The following BEST4 variants were observed in gnomAD, a reference collection of about 807,000 sequenced individuals.
The protein encoded by BEST4 is bestrophin 4, also known as bestrophin-4.
In BEST4, 36 loss-of-function variants were observed where a neutral mutation model predicts 47.1. The observed-to-expected ratio is 0.76, with a 90% CI of 0.59 to 1.01. The LOEUF (loss-of-function observed/expected upper bound fraction) is 1.01. Among genes scored for constraint, BEST4 ranks in the 50% least tolerant of loss-of-function variants. The pLI, the probability that BEST4 is intolerant of heterozygous loss-of-function variation, is 0.00. For missense variants in BEST4, 550 were observed against 648.6 expected, an observed-to-expected ratio of 0.85 and a Z score of 1.65; for synonymous variants, 250 against 277.8, an observed-to-expected ratio of 0.90 and a Z score of 1.00.
At chr1:44,785,558 A>G in intron 5 of BEST4, 41 bp downstream of exon 5, 1 of 1,496,298 alleles carries the variant, frequency 6.7e-7, no homozygotes, top group Non-Finnish European at 9.1e-7. Flanking sequence ...AGCACAGGAC[A>G]TACAGTAGGC....
Position 44,788,025 on chromosome 1 carries a change from C to T in BEST4, c.-320G>A, listed in dbSNP as rs546859739. Among the ~76,000 whole-genome samples, 133 of 152,316 alleles carry T rather than the reference C, an allele frequency of 8.7e-4. 1 individual carries two copies. Among genetic ancestry groups the T allele is most frequent in the East Asian group, 6.0e-3 (31 of 5,186 alleles). ...ATCCTGAACTGCTGCGGACAAGAGA[C>T]GCAGCTCCAGCCCAAATCCACTGCT... On this transcript the variant is annotated 5_prime_UTR_variant, in exon 1 of 9. Transcript: ENST00000372207.
At position 44,784,409 on chromosome 1, in the gene BEST4, T is replaced by C; in HGVS notation, c.1223A>G (p.Gln408Arg). ...PGSGRPAPAA[Q>R]TPLLGRFLGV... ...CAGGAAGCGGCCGAGCAACGGGGTC[T>C]GCGCGGCGGGCGCGGGCCGACCAGA... is the stretch of plus-strand genomic sequence containing the variant. The change falls in exon 9 of 9, where the codon CAG (glutamine) becomes CGG (arginine). Residue 408 changes from glutamine to arginine, a missense_variant. By Grantham distance (43) the Gln-to-Arg change is conservative (BLOSUM62 1). This residue lies in a region of BEST4 where 255 missense variants were observed against 286.6 expected (regional missense o/e 0.89). Transcript: ENST00000372207. The surrounding 1 kb of genome is among the most constrained non-coding windows in gnomAD (Gnocchi z 6.2). The C allele has an allele frequency of 8.0e-7, 1 of 1,255,922 alleles. No individual in the cohort carries two copies. The highest frequency in any genetic ancestry group is 1.6e-5 in the South Asian group (1 of 63,968). The allele number at this position is 1,255,922 out of a possible 1,614,324, so 77.8% of individuals were successfully genotyped here. A position where few individuals can be genotyped will look rare whatever the true frequency, so the allele number is the denominator to read the frequency against.
chr1:44,785,468 G>T, intron 5 of BEST4, 131 bp downstream of exon 5: 1 of 1,200,358 alleles, frequency 8.3e-7, no homozygotes, highest in Non-Finnish European at 1.2e-6. Context: ...GTGGTGGGGG[G>T]CTTTTAGGAT....
At position 44,785,154 on chromosome 1, in the gene BEST4, G is replaced by T. The variant is rs1167503951; in HGVS notation, c.866C>A (p.Pro289His). ...GAAGAACTGCAGCAGAGTGGTGAGA[G>T]GCACGTACATGTCCGGGTCTCCCAG... is the stretch of plus-strand genomic sequence containing the variant. ...PALGDPDMYV[P>H]LTTLLQFFFY... Residue 289 changes from proline (P) to histidine (H), a missense_variant, in exon 6 of 9, where the codon CCT (proline) becomes CAT (histidine). Pro to His is a moderately conservative substitution (Grantham distance 77, BLOSUM62 -2). Transcript: ENST00000372207. 1 of 1,613,964 alleles carries T rather than the reference G, an allele frequency of 6.2e-7. No homozygotes were observed.
Position 44,786,938 on chromosome 1 carries a change from A to G in BEST4, c.248-242T>C, listed in dbSNP as rs1651261749. On this transcript the variant is annotated intron_variant, in intron 2 of 8. Coordinates refer to ENST00000372207, the MANE Select transcript of BEST4 (RefSeq NM_153274.3). The surrounding 1 kb of genome is among the most constrained non-coding windows in gnomAD (Gnocchi z 4.9). The stretch of plus-strand genomic sequence containing the variant: ...AGACTGCTTCCCAGGAGGGTGGGGA[A>G]GGGGTTGTCACCTCTGTCCAGCTCC... Among the ~76,000 whole-genome samples the G allele has an allele frequency of 6.6e-6, 1 of 152,160 alleles. No individual in the cohort carries two copies. The highest frequency in any genetic ancestry group is 6.5e-5 in the Admixed American group (1 of 15,284).
At chr1:44,790,577 C>T (rs117143424), upstream of BEST4, among the ~76,000 whole-genome samples, 1 of 152,114 alleles carries the variant, frequency 6.6e-6, no homozygotes. Flanking sequence ...GATCTCCCCT[C>T]TAGCCTGTGA....
chr1:44,788,301 C>T (rs905368880), upstream of BEST4, among the ~76,000 whole-genome samples: 2 of 152,230 alleles, frequency 1.3e-5, no homozygotes, highest in African/African-American at 4.8e-5. Context: ...GGTGTGTCTC[C>T]TTACCCCTGT....
Position 44,783,836 on chromosome 1 carries a change from A to C in BEST4, c.*374T>G. ...AATCTAACGTGCCAGAAATGCTGGGAGTGGTGCCCAGCACTCTTTTGACAA... is the reference window on the plus strand; with the variant it reads ...AATCTAACGTGCCAGAAATGCTGGGCGTGGTGCCCAGCACTCTTTTGACAA... On this transcript the variant is annotated 3_prime_UTR_variant, in exon 9 of 9. Transcript: ENST00000372207. 1 of 181,942 alleles carries C rather than the reference A, an allele frequency of 5.5e-6. No individual in the cohort carries two copies. The highest frequency in any genetic ancestry group is 1.1e-5 in the Non-Finnish European group (1 of 88,348). 11.3% of individuals were successfully genotyped at this position (181,942 alleles called of 1,614,324 possible).
Position 44,784,332 on chromosome 1 carries a change from G to A in BEST4, c.1300C>T (p.Arg434Ter). The A allele has an allele frequency of 1.4e-6, 2 of 1,392,976 alleles. No homozygotes were observed. Among genetic ancestry groups the A allele is most frequent in the Non-Finnish European group, 1.8e-6 (2 of 1,083,332 alleles). 86.3% of individuals were successfully genotyped at this position (1,392,976 alleles called of 1,614,324 possible). A position where few individuals can be genotyped will look rare whatever the true frequency, so the allele number is the denominator to read the frequency against. The change falls in exon 9 of 9, where the codon CGA becomes TGA. Residue 434 changes from arginine to a stop codon, truncating the protein, a stop_gained. Coordinates refer to ENST00000372207, the MANE Select transcript of BEST4 (RefSeq NM_153274.3). LOFTEE classifies it low-confidence loss of function (END_TRUNC). The surrounding 1 kb of genome is among the most constrained non-coding windows in gnomAD (Gnocchi z 6.2). ...AGATGCGGGGGGCGGGGGGTGCCTC[G>A]CACGCGGCCGAAGTTCCGGAGGCTG... Reference protein sequence around the residue: ...AISLRNFGRVRGTPRPPHLLR... With the variant: ...AISLRNFGRV
chr1:44,786,993 C>G lies in BEST4; in HGVS notation c.248-297G>C, dbSNP rs1267796951. Reference sequence around the variant, plus strand: ...CAGTGCCCAGGGTGGGCTTGTGAGGCCAGCAGGTGTCTTGTGCCTTGCTGG... The same window carrying G: ...CAGTGCCCAGGGTGGGCTTGTGAGGGCAGCAGGTGTCTTGTGCCTTGCTGG... On this transcript the variant is annotated intron_variant, in intron 2 of 8. Coordinates refer to ENST00000372207, the MANE Select transcript of BEST4 (RefSeq NM_153274.3). The surrounding 1 kb of genome is among the most constrained non-coding windows in gnomAD (Gnocchi z 4.9). 6.6e-6 allele frequency among the ~76,000 whole-genome samples: 1 copy of G among 152,130 alleles called. No individual in the cohort carries two copies. Among genetic ancestry groups the G allele is most frequent in the African/African-American group, 2.4e-5 (1 of 41,420 alleles).
rs1651121199 is a variant in BEST4 at position 44,784,134 on chromosome 1, A to G, written c.*76T>C. On this transcript the variant is annotated 3_prime_UTR_variant, in exon 9 of 9. Transcript: ENST00000372207. This position sits in a 1 kb window ranked among gnomAD's most constrained non-coding sequence, Gnocchi z 6.2. ...CACACAGGAAAAGCTGCTCTAATAG[A>G]GCTGGCTGGCAGGACCGGGCACGGG... 8 of 1,309,610 alleles carry G rather than the reference A, an allele frequency of 6.1e-6. No individual in the cohort carries two copies. The highest frequency in any genetic ancestry group is 1.8e-5 in the South Asian group (1 of 55,024). The allele number at this position is 1,309,610 out of a possible 1,614,324, so 81.1% of individuals were successfully genotyped here.
intron 6 of BEST4, 38 bp from the exon 7 acceptor site, chr1:44,785,023 C>T: frequency 6.2e-7 from 1 of 1,611,830 alleles, no homozygotes; most frequent in South Asian, 1.1e-5. Flanking sequence ...GGGTTCAGAG[C>T]CCCACTCTTT....
chr1:44,782,111 G>A (rs913773876), downstream of BEST4, among the ~76,000 whole-genome samples: 1 of 152,026 alleles, frequency 6.6e-6, no homozygotes, highest in Non-Finnish European at 1.5e-5. Context: ...GTTGCAGTGA[G>A]CCAAGATCTG....
At chr1:44,791,204 C>G (rs1285537864), upstream of BEST4, among the ~76,000 whole-genome samples, 2 of 147,948 alleles carry the variant, frequency 1.4e-5, no homozygotes, top group Admixed American at 6.8e-5. Flanking sequence ...GAACAGGACT[C>G]AGAGAGAGAG....
rs191765249 is a variant in BEST4, at chr1:44,783,621, A to G, written c.*589T>C. On this transcript the variant is annotated 3_prime_UTR_variant, in exon 9 of 9. Coordinates refer to ENST00000372207, the MANE Select transcript of BEST4 (RefSeq NM_153274.3). ...CTTGAATATATTCTCAATGTAAACAAAAACTTTAACATTACAAACAAGGCA... is the reference window on the plus strand; with the variant it reads ...CTTGAATATATTCTCAATGTAAACAGAAACTTTAACATTACAAACAAGGCA... 1 of 152,374 alleles carries G rather than the reference A, an allele frequency of 6.6e-6. No individual in the cohort carries two copies. The highest frequency in any genetic ancestry group is 2.4e-5 in the African/African-American group (1 of 41,556). 9.4% of individuals were successfully genotyped at this position (152,374 alleles called of 1,614,324 possible).
Position 44,786,368 on chromosome 1 carries a change from C to A in BEST4, c.481+95G>T. On this transcript the variant is annotated intron_variant, in intron 3 of 8. Transcript: ENST00000372207. This position sits in a 1 kb window ranked among gnomAD's most constrained non-coding sequence, Gnocchi z 4.9. ...TCCGCGTTCCTGTCGCAGTCCAGACCCTTCCCTGGAGGCCCCTGCTCCCAG... is the reference window on the plus strand; with the variant it reads ...TCCGCGTTCCTGTCGCAGTCCAGACACTTCCCTGGAGGCCCCTGCTCCCAG... The A allele has an allele frequency of 4.2e-6, 6 of 1,439,802 alleles. 1 individual carries two copies. The highest frequency in any genetic ancestry group is 2.7e-5 in the South Asian group (2 of 73,954). 89.2% of individuals were successfully genotyped at this position (1,439,802 alleles called of 1,614,324 possible). A position where few individuals can be genotyped will look rare whatever the true frequency, so the allele number is the denominator to read the frequency against.
In BEST4 at chr1:44,786,710, G is replaced by A. The variant is rs1156532095; in HGVS notation, c.248-14C>T. 6 of 1,538,746 alleles carry A rather than the reference G, an allele frequency of 3.9e-6. No individual in the cohort carries two copies. The highest frequency in any genetic ancestry group is 5.3e-6 in the Non-Finnish European group (6 of 1,137,102). Reference sequence around the variant, plus strand: ...TCACATAGAAACCTGCTTGGCCGCCGTGATAGAGGGAGTAGGAAGGGAGAG... The same window carrying A: ...TCACATAGAAACCTGCTTGGCCGCCATGATAGAGGGAGTAGGAAGGGAGAG... On this transcript the variant is annotated splice_polypyrimidine_tract_variant and intron_variant, in intron 2 of 8. Transcript: ENST00000372207. The surrounding 1 kb of genome is among the most constrained non-coding windows in gnomAD (Gnocchi z 4.9).
chr1:44,785,626 C>A lies in BEST4; in HGVS notation c.687G>T (p.Trp229Cys). 6.6e-7 allele frequency: 1 copy of A among 1,522,360 alleles called. No individual in the cohort carries two copies. The highest frequency in any genetic ancestry group is 8.8e-7 in the Non-Finnish European group (1 of 1,133,882). The allele number at this position is 1,522,360 out of a possible 1,614,324, so 94.3% of individuals were successfully genotyped here. A position where few individuals can be genotyped will look rare whatever the true frequency, so the allele number is the denominator to read the frequency against. The change falls in exon 5 of 9, where the codon TGG becomes TGT. Residue 229 changes from tryptophan (W) to cysteine (C), a missense_variant. Coordinates refer to ENST00000372207, the MANE Select transcript of BEST4 (RefSeq NM_153274.3). The stretch of plus-strand genomic sequence containing the variant: ...GGGTGTAGACGAGGGGGATGCTGAT[C>A]CAGTCATAGTGGAATAGCATGCTGC... ...AKCSMLFHYD[W>C]ISIPLVYTQV... is the part of the protein sequence containing the mutation.
At chr1:44,788,892 G>C (rs1048617700), upstream of BEST4, among the ~76,000 whole-genome samples, 1 of 152,158 alleles carries the variant, frequency 6.6e-6, no homozygotes, top group African/African-American at 2.4e-5. Context: ...TGACTCCTAG[G>C]GGTGCCCAAG....
Sources: gnomAD v4.1 joint callset for allele counts (sites outside exome capture counted in the v4.1 genomes callset) on GRCh38, gnomAD v4.1.1 for gene constraint, gnomAD v4.1.1 regional missense constraint, Gnocchi (gnomAD v3.1) non-coding constraint, MANE v1.5 for transcripts, NCBI Gene and HGNC (gene_info 2026-07-23, HGNC 2026-07-21) for gene names.